Variants in ALKBH5 observed in about 807,000 individuals in gnomAD.
The protein encoded by ALKBH5 is RNA demethylase ALKBH5.
In ALKBH5, 2 loss-of-function variants were observed where a neutral mutation model predicts 32.1. The observed-to-expected ratio is 0.06, with a 90% CI of 0.03 to 0.20. The LOEUF is 0.20. Among genes scored for constraint, ALKBH5 ranks in the 10% least tolerant of loss-of-function variants. ALKBH5 has a pLI of 1.00. For missense variants in ALKBH5, 352 were observed against 559.5 expected (o/e 0.63, Z 3.74); for synonymous variants, 300 against 231.7 (o/e 1.29, Z -2.68).
At chr17:18,208,090 C>A (rs1861083231) in intron 3 of ALKBH5, 129 bp from the exon 4 acceptor site, 2 of 987,206 alleles carry the variant, frequency 2.0e-6, no homozygotes, top group Non-Finnish European at 3.0e-6. Context: ...GGGCCTCTGC[C>A]AGGACTACCC....
chr17:18,186,496 C>G (rs1019754750), intron 1 of ALKBH5, among the ~76,000 whole-genome samples: 3 of 152,178 alleles, frequency 2.0e-5, no homozygotes, highest in African/African-American at 7.2e-5. Context: ...CATTGGCCCT[C>G]AGGGTGGTTG....
chr17:18,203,071 TAAAAAAAA>T (rs771396075), intron 2 of ALKBH5, among the ~76,000 whole-genome samples: 9 of 133,522 alleles, frequency 6.7e-5, no homozygotes, highest in African/African-American at 1.4e-4. Flanking sequence ...GATTGTCTTT[TAAAAAAAA>T]AAAAAAAAAA....
At chr17:18,189,377 A>G (rs1196162707) in intron 1 of ALKBH5, among the ~76,000 whole-genome samples, 1 of 152,062 alleles carries the variant, frequency 6.6e-6, no homozygotes, top group East Asian at 1.9e-4. Flanking sequence ...GCGACAGAGC[A>G]AGACTCCGTC....
intron 1 of ALKBH5, among the ~76,000 whole-genome samples, 193 bp from the exon 2 acceptor site, chr17:18,194,762 G>A (rs759865166): frequency 6.6e-6 from 1 of 152,134 alleles, no homozygotes; most frequent in Non-Finnish European, 1.5e-5. Context: ...TTTTCCTTGA[G>A]TATTACAGTC....
chr17:18,200,671 A>G (rs991597447), intron 2 of ALKBH5, among the ~76,000 whole-genome samples: 9 of 152,176 alleles, frequency 5.9e-5, no homozygotes, highest in African/African-American at 1.9e-4. Context: ...CTCAACAGGA[A>G]CTGGTCAAAG....
At chr17:18,203,697 A>G (rs2047254306) in intron 2 of ALKBH5, among the ~76,000 whole-genome samples, 1 of 152,208 alleles carries the variant, frequency 6.6e-6, no homozygotes, top group African/African-American at 2.4e-5. Context: ...GTTGCCTTTT[A>G]ACAGGGGCAT....
intron 1 of ALKBH5, among the ~76,000 whole-genome samples, chr17:18,187,202 G>A (rs2047144480): frequency 1.3e-5 from 2 of 152,068 alleles, no homozygotes; most frequent in Admixed American, 1.3e-4. Context: ...TGGAAGTTTA[G>A]GGGAGGAAAT....
chr17:18,205,204 A>G (rs752604786), intron 2 of ALKBH5, among the ~76,000 whole-genome samples: 20 of 152,184 alleles, frequency 1.3e-4, no homozygotes, highest in Non-Finnish European at 2.6e-4. Flanking sequence ...AGAGCTAGTC[A>G]CATTTCTTTC....
chr17:18,205,365 G>C (rs1466698627), intron 2 of ALKBH5, among the ~76,000 whole-genome samples: 2 of 152,174 alleles, frequency 1.3e-5, no homozygotes, highest in Non-Finnish European at 2.9e-5. Flanking sequence ...TGAGACTGAA[G>C]AGTCACTCAC....
At chr17:18,205,330 G>C (rs2047263180) in intron 2 of ALKBH5, among the ~76,000 whole-genome samples, 2 of 152,224 alleles carry the variant, frequency 1.3e-5, no homozygotes, top group African/African-American at 2.4e-5. Flanking sequence ...GCATCCATGA[G>C]TCTGGAGGAG....
Position 18,194,958 on chromosome 17 carries a change from A to G in ALKBH5, c.774A>G (p.Gly258=), listed in dbSNP as rs371842345. The G allele has an allele frequency of 5.6e-5, 90 of 1,613,790 alleles. No homozygotes were observed. The African/African-American group carries it at 1.1e-3, about 20-fold the overall frequency. The change falls in exon 2 of 4, where the codon GGA becomes GGG. Residue 258 remains glycine, a synonymous_variant. Coordinates refer to ENST00000399138, the MANE Select transcript of ALKBH5 (RefSeq NM_017758.4). ...VRRGSVTVLS[G]YAADEITHCI... ...CATGTTCTGTGTTTCTTTTCAGTGG[A>G]TATGCTGCTGATGAAATCACTCACT... is the stretch of plus-strand genomic sequence containing the variant.
chr17:18,206,796 A>T lies in ALKBH5; in HGVS notation c.852-19A>T, dbSNP rs1162036064. The T allele has an allele frequency of 1.2e-6, 2 of 1,612,978 alleles. No homozygotes were observed. The highest frequency in any genetic ancestry group is 2.7e-5 in the African/African-American group (2 of 74,902). On this transcript the variant is annotated intron_variant, in intron 2 of 3. Transcript: ENST00000399138. ...TCACCGGAGGCCCTTTGGTGACCCC[A>T]TGCATGTTTCCTTTGCAGGACAAGA... is the stretch of plus-strand genomic sequence containing the variant.
At chr17:18,198,616 A>G (rs1042940282) in intron 2 of ALKBH5, among the ~76,000 whole-genome samples, 1 of 152,126 alleles carries the variant, frequency 6.6e-6, no homozygotes, top group Non-Finnish European at 1.5e-5. Flanking sequence ...CTGCCTTCTC[A>G]TAAGTTCAGA....
chr17:18,190,557 A>G (rs1171752716), intron 1 of ALKBH5, among the ~76,000 whole-genome samples: 1 of 151,818 alleles, frequency 6.6e-6, no homozygotes, highest in Non-Finnish European at 1.5e-5. Flanking sequence ...TCCGAAAAAA[A>G]AAAAAAAAAA....
At chr17:18,189,598 G>A (rs963455237) in intron 1 of ALKBH5, among the ~76,000 whole-genome samples, 6 of 152,112 alleles carry the variant, frequency 3.9e-5, no homozygotes, top group East Asian at 1.9e-4. Context: ...TCTTCCTACC[G>A]CCTCCACAAC....
intron 1 of ALKBH5, among the ~76,000 whole-genome samples, chr17:18,193,023 TTATTTTTG>T (rs1041155769): frequency 2.1e-4 from 32 of 152,142 alleles, no homozygotes; most frequent in African/African-American, 6.3e-4. Flanking sequence ...CATGCCTGGC[TTATTTTTG>T]TATTTTTGTA....
intron 2 of ALKBH5, among the ~76,000 whole-genome samples, chr17:18,195,355 C>T (rs1224590803): frequency 2.0e-5 from 3 of 152,176 alleles, no homozygotes; most frequent in African/African-American, 2.4e-5. Context: ...TTCCTCACCT[C>T]CTTCGTTCTT....
At chr17:18,201,772 TAGATAGATAGATAGGATAGATA>T (rs1233619466) in intron 2 of ALKBH5, among the ~76,000 whole-genome samples, 1 of 134,832 alleles carries the variant, frequency 7.4e-6, no homozygotes, top group East Asian at 2.7e-4. Flanking sequence ...GATAGATAGA[TAGATAGATAGATAGGATAGATA>T]AGATAGATAG....
chr17:18,201,834 TAGA>T (rs1397070552), intron 2 of ALKBH5, among the ~76,000 whole-genome samples: 12 of 122,166 alleles, frequency 9.8e-5, no homozygotes. Flanking sequence ...GATAGATAGA[TAGA>T]TGATAGATAG....
Sources: gnomAD v4.1 joint callset for allele counts (sites outside exome capture counted in the v4.1 genomes callset) on GRCh38, gnomAD v4.1.1 for gene constraint, MANE v1.5 for transcripts, NCBI Gene and HGNC (gene_info 2026-07-23, HGNC 2026-07-21) for gene names.